The following DCDC2C variants were observed in gnomAD, a reference collection of about 807,000 sequenced individuals.
DCDC2C encodes doublecortin domain containing 2C.
In DCDC2C, 44 loss-of-function variants were observed where a neutral mutation model predicts 45.0. The observed-to-expected ratio is 0.98, with a 90% CI of 0.77 to 1.26. The LOEUF is 1.26. Among genes scored for constraint, DCDC2C ranks in the 50% most tolerant of loss-of-function variants. The probability of loss-of-function intolerance (pLI) is 0.00; values close to 1 mark genes in which losing one functional copy is unlikely to be tolerated. For synonymous variants in DCDC2C, 187 were observed against 178.8 expected (o/e 1.05, Z -0.37); for missense variants, 447 against 468.9 (o/e 0.95, Z 0.43).
intron 10 of DCDC2C, among the ~76,000 whole-genome samples, chr2:3,843,290 G>A (rs539976705): frequency 5.1e-4 from 78 of 152,240 alleles, no homozygotes; most frequent in African/African-American, 1.7e-3. Flanking sequence ...TATGGGTGGC[G>A]AGAATGAAAT....
chr2:3,814,777 A>G (rs923807690), intron 10 of DCDC2C, among the ~76,000 whole-genome samples: 2 of 152,230 alleles, frequency 1.3e-5, no homozygotes, highest in African/African-American at 4.8e-5. Flanking sequence ...GCCCTGCCCA[A>G]TGAGGAAGGA....
rs1440751520 is a variant in DCDC2C at position 3,742,025 on chromosome 2, C to G, written c.522C>G (p.Val174=). 7.8e-6 allele frequency: 12 copies of G among 1,547,412 alleles called. No homozygotes were observed. The highest frequency in any genetic ancestry group is 1.0e-5 in the Non-Finnish European group (12 of 1,145,882). The change falls in exon 4 of 11, where the codon GTC becomes GTG. Residue 174 remains valine (V), a synonymous_variant. Transcript: ENST00000399143. ...TGCTGGCCACGATCGGAGAAAAAGT[C>G]TTCCCTCTAGGAGGCGTTCGGAAGT... ...DIVLATIGEK[V]FPLGGVRKLF...
intron 10 of DCDC2C, among the ~76,000 whole-genome samples, chr2:3,789,132 G>A (rs953911040): frequency 2.0e-5 from 3 of 152,048 alleles, no homozygotes; most frequent in African/African-American, 7.2e-5. Flanking sequence ...GATTACAGAC[G>A]TGAGCCACTC....
chr2:3,776,464 G>A (rs1670339475), intron 8 of DCDC2C, among the ~76,000 whole-genome samples: 1 of 152,164 alleles, frequency 6.6e-6, no homozygotes, highest in Admixed American at 6.5e-5. Flanking sequence ...CGTCACACGG[G>A]ACCTTCACCA....
intron 10 of DCDC2C, among the ~76,000 whole-genome samples, chr2:3,805,372 G>A (rs542263516): frequency 8.5e-5 from 13 of 152,284 alleles, no homozygotes; most frequent in South Asian, 2.1e-4. Flanking sequence ...GATTGACAGC[G>A]GATAGGAGGA....
chr2:3,835,301 T>G (rs965604911), intron 10 of DCDC2C, among the ~76,000 whole-genome samples: 4 of 152,244 alleles, frequency 2.6e-5, no homozygotes, highest in Admixed American at 2.6e-4. Flanking sequence ...TTTTGAATTA[T>G]TAAAGCAATT....
Position 3,839,465 on chromosome 2 carries a change from TC to T in DCDC2C, c.1066-7688del, listed in dbSNP as rs1401437836. On this transcript the variant is annotated intron_variant, in intron 10 of 10. Transcript: ENST00000399143. ...ATACGGTACTTACATAATATTCAAA[TC>T]ACATAATACTTTAAAATGTACAATT... is the stretch of plus-strand genomic sequence containing the variant. 2.6e-5 allele frequency among the ~76,000 whole-genome samples: 4 copies of T among 152,346 alleles called. No homozygotes were observed. In the South Asian group the frequency reaches 6.2e-4, roughly 24 times the overall value.
In DCDC2C at chr2:3,727,054, TATC is replaced by T; in HGVS notation, c.395_397del (p.His132del). 6.5e-7 allele frequency: 1 copy of T among 1,550,332 alleles called. No homozygotes were observed. The highest frequency in any genetic ancestry group is 8.7e-7 in the Non-Finnish European group (1 of 1,146,804). ...AAATGTGCCTTCCAAGTGGCAAACA[TATC>T]ATCGTATATCTCGACATATAAAGTG... is the stretch of plus-strand genomic sequence containing the variant. On this transcript the variant is annotated inframe_deletion, in exon 3 of 11. Transcript: ENST00000399143.
intron 10 of DCDC2C, among the ~76,000 whole-genome samples, chr2:3,814,953 G>C (rs1671516503): frequency 6.6e-6 from 1 of 152,262 alleles, no homozygotes; most frequent in Admixed American, 6.5e-5. Context: ...CCCACCCAGG[G>C]AGCATAGCGT....
intron 10 of DCDC2C, among the ~76,000 whole-genome samples, chr2:3,821,242 T>C (rs1313029336): frequency 1.3e-5 from 2 of 152,202 alleles, no homozygotes; most frequent in African/African-American, 4.8e-5. Context: ...TAGCCATTTT[T>C]ACTTCTTTTG....
chr2:3,750,406 A>G (rs114716061), intron 4 of DCDC2C, among the ~76,000 whole-genome samples: 1,745 of 152,200 alleles, frequency 0.011, 39 homozygotes, highest in African/African-American at 0.04. Context: ...CCTTTTATTT[A>G]ACCACGTCCT....
intron 10 of DCDC2C, among the ~76,000 whole-genome samples, chr2:3,825,515 C>T (rs1671793412): frequency 6.6e-6 from 1 of 152,052 alleles, no homozygotes; most frequent in Admixed American, 6.6e-5. Context: ...GTTTTCTTTC[C>T]AAGTTAAAGC....
chr2:3,824,131 C>T (rs1310817071), intron 10 of DCDC2C, among the ~76,000 whole-genome samples: 2 of 152,228 alleles, frequency 1.3e-5, no homozygotes, highest in Non-Finnish European at 2.9e-5. Context: ...TTAGAATTCC[C>T]TATTTGATAG....
chr2:3,760,887 A>G (rs1174685758), intron 6 of DCDC2C, among the ~76,000 whole-genome samples: 1 of 152,146 alleles, frequency 6.6e-6, no homozygotes, highest in African/African-American at 2.4e-5. Flanking sequence ...AAAAAAAATC[A>G]TGAATGCAGT....
At chr2:3,756,656 G>A (rs10194471) in intron 6 of DCDC2C, among the ~76,000 whole-genome samples, 3,511 of 152,336 alleles carry the variant, frequency 0.023, 137 homozygotes, top group African/African-American at 0.079. Flanking sequence ...TCTTCATGCC[G>A]AGTTCACGGC....
intron 5 of DCDC2C, among the ~76,000 whole-genome samples, chr2:3,753,882 A>T (rs1443275597): frequency 1.3e-5 from 2 of 152,182 alleles, no homozygotes; most frequent in East Asian, 3.9e-4. Context: ...GCAGATGGTT[A>T]GGTTAGAGTC....
chr2:3,770,389 G>A (rs966239319), intron 8 of DCDC2C, among the ~76,000 whole-genome samples: 5 of 152,080 alleles, frequency 3.3e-5, no homozygotes, highest in African/African-American at 7.2e-5. Flanking sequence ...TATTTTCTGT[G>A]ACACATTTGA....
intron 10 of DCDC2C, among the ~76,000 whole-genome samples, chr2:3,822,780 G>A (rs58842993): frequency 0.054 from 8,175 of 151,800 alleles, 741 homozygotes; most frequent in African/African-American, 0.19. Context: ...TTCTAATATC[G>A]TTTGGCTGTT....
chr2:3,808,799 T>C (rs1394697508), intron 10 of DCDC2C, among the ~76,000 whole-genome samples: 1 of 152,254 alleles, frequency 6.6e-6, no homozygotes, highest in Non-Finnish European at 1.5e-5. Flanking sequence ...TTGTGCCTTT[T>C]GTGTCCTTTC....
Sources: gnomAD v4.1 joint callset for allele counts (sites outside exome capture counted in the v4.1 genomes callset) on GRCh38, gnomAD v4.1.1 for gene constraint, MANE v1.5 for transcripts, NCBI Gene and HGNC (gene_info 2026-07-23, HGNC 2026-07-21) for gene names.